GALNT1: variants seen among roughly 807,000 people sequenced by gnomAD.
GALNT1 encodes the protein polypeptide N-acetylgalactosaminyltransferase 1.
GALNT1 carries 17 observed loss-of-function variants against 65.7 expected under a neutral mutation model. The observed-to-expected ratio is 0.26, with a 90% CI of 0.18 to 0.39. The LOEUF (loss-of-function observed/expected upper bound fraction) is 0.39. Ranked by LOEUF, GALNT1 falls within the 10% of genes least tolerant of loss-of-function variation. The probability of loss-of-function intolerance (pLI) is 1.00; values close to 1 mark genes in which losing one functional copy is unlikely to be tolerated. For synonymous variants in GALNT1, 210 were observed against 219.7 expected (o/e 0.96, Z 0.39); for missense variants, 460 against 672.8 (o/e 0.68, Z 3.50).
At chr18:35,648,301 A>G (rs1441061575) in intron 1 of GALNT1, among the ~76,000 whole-genome samples, 1 of 152,204 alleles carries the variant, frequency 6.6e-6, no homozygotes, top group African/African-American at 2.4e-5. Flanking sequence ...TTATTGTAAA[A>G]TAAGCTTTGT....
chr18:35,683,376 T>G lies in GALNT1; in HGVS notation c.482-15T>G. ...GCCACACTGGTTTGCATGTTTTCTT[T>G]TGTTCATTTTCCAGACTTTTTGAAA... is the stretch of plus-strand genomic sequence containing the variant. On this transcript the variant is annotated splice_polypyrimidine_tract_variant and intron_variant, in intron 4 of 11. Transcript: ENST00000269195. 1 of 1,604,452 alleles carries G rather than the reference T, an allele frequency of 6.2e-7. No homozygotes were observed. The highest frequency in any genetic ancestry group is 8.5e-7 in the Non-Finnish European group (1 of 1,173,040).
At chr18:35,702,831 G>A (rs2048187422) in intron 9 of GALNT1, 66 bp from the exon 10 acceptor site, 7 of 1,043,370 alleles carry the variant, frequency 6.7e-6, no homozygotes, top group Non-Finnish European at 1.0e-5. Context: ...GTGTATATGT[G>A]TGTGTATCTG....
chr18:35,698,681 T>C (rs941736164), intron 9 of GALNT1, among the ~76,000 whole-genome samples: 12 of 151,774 alleles, frequency 7.9e-5, no homozygotes, highest in African/African-American at 2.7e-4. Flanking sequence ...ACTGCTGTTT[T>C]AAAACAGCCA....
rs559079007 is a variant in GALNT1, at chr18:35,710,881, T to G, written c.*1111T>G. On this transcript the variant is annotated 3_prime_UTR_variant, in exon 12 of 12. Transcript: ENST00000269195. ...ACATTTGATGGTTTTTTGGAAAACC[T>G]TTTTCACTCCATACTCAGATATGCT... The G allele has an allele frequency of 6.6e-6, 1 of 152,646 alleles. No individual in the cohort carries two copies. The highest frequency in any genetic ancestry group is 6.5e-5 in the Admixed American group (1 of 15,286). The allele number at this position is 152,646 out of a possible 1,614,324, so 9.5% of individuals were successfully genotyped here.
chr18:35,633,956 A>G (rs55945436), intron 1 of GALNT1, among the ~76,000 whole-genome samples: 3,080 of 152,258 alleles, frequency 0.02, 55 homozygotes, highest in Non-Finnish European at 0.028. Context: ...TGATCTAGAA[A>G]TCATTCCCAG....
Position 35,670,760 on chromosome 18 carries a change from A to G in GALNT1, c.315-6831A>G, listed in dbSNP as rs566007861. ...TAATGTGGTATCGTTGCAAGGATAGACAAGCAGATCAGTGGAACACAATAG... is the reference window on the plus strand; with the variant it reads ...TAATGTGGTATCGTTGCAAGGATAGGCAAGCAGATCAGTGGAACACAATAG... On this transcript the variant is annotated intron_variant, in intron 3 of 11. Transcript: ENST00000269195. Among the ~76,000 whole-genome samples, 128 of 152,360 alleles carry G rather than the reference A, an allele frequency of 8.4e-4. 1 individual carries two copies. Among genetic ancestry groups the G allele is most frequent in the African/African-American group, 2.6e-3 (110 of 41,584 alleles).
intron 1 of GALNT1, among the ~76,000 whole-genome samples, chr18:35,606,092 G>T (rs1056818328): frequency 1.3e-5 from 2 of 152,128 alleles, no homozygotes; most frequent in Non-Finnish European, 1.5e-5. Context: ...CTGGGGCCTT[G>T]GTTCTGCCTC....
intron 1 of GALNT1, among the ~76,000 whole-genome samples, chr18:35,647,471 A>G (rs1310247184): frequency 6.6e-6 from 1 of 152,192 alleles, no homozygotes; most frequent in Admixed American, 6.5e-5. Flanking sequence ...GTTCTGTTTG[A>G]GAAATAGAGC....
intron 2 of GALNT1, among the ~76,000 whole-genome samples, chr18:35,661,621 CTGTTT>C (rs2047478731): frequency 1.3e-5 from 2 of 152,144 alleles, no homozygotes; most frequent in African/African-American, 2.4e-5. Flanking sequence ...TCCCTCAGAC[CTGTTT>C]TGTTTGTTGT....
At chr18:35,605,484 C>CT (rs2046634965) in intron 1 of GALNT1, among the ~76,000 whole-genome samples, 1 of 147,920 alleles carries the variant, frequency 6.8e-6, no homozygotes, top group Non-Finnish European at 1.5e-5. Flanking sequence ...GGCCCAGACT[C>CT]TGTCTCAAAA....
At chr18:35,690,747 C>T (rs548828371) in intron 7 of GALNT1, among the ~76,000 whole-genome samples, 154 of 152,230 alleles carry the variant, frequency 1.0e-3, no homozygotes, top group African/African-American at 3.2e-3. Context: ...CCTGATTTTG[C>T]GAAATTCCAA....
intron 1 of GALNT1, among the ~76,000 whole-genome samples, chr18:35,643,690 C>G (rs1041443676): frequency 6.6e-6 from 1 of 150,812 alleles, no homozygotes; most frequent in Non-Finnish European, 1.5e-5. Context: ...CCCAGCTACT[C>G]GGGAGGCTGA....
At chr18:35,642,259 A>G (rs1230869160) in intron 1 of GALNT1, among the ~76,000 whole-genome samples, 1 of 152,232 alleles carries the variant, frequency 6.6e-6, no homozygotes, top group East Asian at 1.9e-4. Context: ...TAGGTTTGCT[A>G]AGCCAGCGGA....
chr18:35,648,656 A>C (rs527470452), intron 1 of GALNT1, among the ~76,000 whole-genome samples: 24 of 152,338 alleles, frequency 1.6e-4, no homozygotes, highest in Non-Finnish European at 3.2e-4. Context: ...GTCTTTTGAG[A>C]AAACATAAAA....
intron 1 of GALNT1, among the ~76,000 whole-genome samples, chr18:35,590,305 T>C (rs2046428325): frequency 6.6e-6 from 1 of 152,220 alleles, no homozygotes; most frequent in Admixed American, 6.5e-5. Context: ...TATAAATCGT[T>C]ATGAGACTCC....
rs756724083 is a variant in GALNT1, at chr18:35,692,325, GAA to G, written c.1299+7_1299+8del. 4.6e-6 allele frequency: 7 copies of G among 1,510,758 alleles called. No homozygotes were observed. Among genetic ancestry groups the G allele is most frequent in the Non-Finnish European group, 4.5e-6 (5 of 1,104,190 alleles). The allele number at this position is 1,510,758 out of a possible 1,614,324, so 93.6% of individuals were successfully genotyped here. A position where few individuals can be genotyped will look rare whatever the true frequency, so the allele number is the denominator to read the frequency against. Reference sequence around the variant, plus strand: ...CACTATTTCTCATTGGGAGAGGTAAGAAATATATATATATATATTCTATGTGG... The same window carrying G: ...CACTATTTCTCATTGGGAGAGGTAAGATATATATATATATATTCTATGTGG... On this transcript the variant is annotated splice_donor_region_variant and intron_variant, in intron 9 of 11. Coordinates refer to ENST00000269195, the MANE Select transcript of GALNT1 (RefSeq NM_020474.4).
intron 2 of GALNT1, among the ~76,000 whole-genome samples, chr18:35,661,648 T>C (rs1338984675): frequency 3.9e-5 from 6 of 152,162 alleles, no homozygotes; most frequent in African/African-American, 1.4e-4. Flanking sequence ...GAAGAAGAAA[T>C]TGAGGTATTT....
intron 9 of GALNT1, among the ~76,000 whole-genome samples, chr18:35,699,932 A>G (rs1055626174): frequency 6.6e-6 from 1 of 152,164 alleles, no homozygotes; most frequent in Non-Finnish European, 1.5e-5. Flanking sequence ...ATGGAATTAC[A>G]ATTTTGAACA....
intron 1 of GALNT1, among the ~76,000 whole-genome samples, chr18:35,583,213 C>G (rs2046343506): frequency 6.6e-6 from 1 of 152,214 alleles, no homozygotes; most frequent in Non-Finnish European, 1.5e-5. Flanking sequence ...GTACCAGCAG[C>G]ATCCCTGTCA....
Sources: allele counts gnomAD v4.1 joint callset (sites outside exome capture counted in the v4.1 genomes callset), GRCh38; gene constraint gnomAD v4.1.1; transcripts MANE v1.5; gene names NCBI Gene and HGNC (gene_info 2026-07-23, HGNC 2026-07-21).